EHMT1: variants seen among roughly 807,000 people sequenced by gnomAD.
EHMT1 encodes the protein histone-lysine N-methyltransferase EHMT1.
A neutral mutation model predicts 147.2 loss-of-function variants in EHMT1; 15 were observed. The observed-to-expected ratio is 0.10, with a 90% CI of 0.07 to 0.16. The LOEUF is 0.16. EHMT1 is among the 10% of genes least tolerant of loss of function. EHMT1 has a pLI of 1.00. For synonymous variants in EHMT1, 795 were observed against 709.6 expected (o/e 1.12, Z -1.91); for missense variants, 1,587 against 1,772.4 (o/e 0.90, Z 1.88).
chr9:137,724,769 C>T (rs1226028254), intron 3 of EHMT1, among the ~76,000 whole-genome samples: 2 of 152,322 alleles, frequency 1.3e-5, no homozygotes, highest in Admixed American at 1.3e-4. Flanking sequence ...GCAGTCAAAC[C>T]TGGTGTGCTG....
intron 1 of EHMT1, chr9:137,641,091 T>G: frequency 3.6e-6 from 1 of 274,532 alleles, no homozygotes; most frequent in Non-Finnish European, 7.2e-6. Flanking sequence ...TCATCCATAT[T>G]GGGAACCAAG....
At chr9:137,831,513 A>G (rs1418828480) in intron 25 of EHMT1, among the ~76,000 whole-genome samples, 1 of 152,258 alleles carries the variant, frequency 6.6e-6, no homozygotes, top group African/African-American at 2.4e-5. Context: ...TCATCCACCC[A>G]GTGATGGCTT....
At chr9:137,632,526 C>A (rs1843700025) in intron 1 of EHMT1, among the ~76,000 whole-genome samples, 1 of 152,182 alleles carries the variant, frequency 6.6e-6, no homozygotes. Flanking sequence ...GCCTCAGCCT[C>A]CCGAGTAGCT....
chr9:137,757,761 T>A lies in EHMT1; in HGVS notation c.1370-119T>A, dbSNP rs1248452270. On this transcript the variant is annotated intron_variant, in intron 8 of 26. Coordinates refer to ENST00000460843, the MANE Select transcript of EHMT1 (RefSeq NM_024757.5). ...CATAGTGGGTTTCAACTTGTGGTTT[T>A]GAATGGATTAATTAGAAGTAGTCCA... 6 of 1,466,086 alleles carry A rather than the reference T, an allele frequency of 4.1e-6. No homozygotes were observed. The Admixed American group carries it at 5.1e-5, about 13-fold the overall frequency. 90.8% of individuals were successfully genotyped at this position (1,466,086 alleles called of 1,614,324 possible).
At chr9:137,829,595 C>T (rs1407445784) in intron 25 of EHMT1, among the ~76,000 whole-genome samples, 1 of 152,208 alleles carries the variant, frequency 6.6e-6, no homozygotes, top group East Asian at 1.9e-4. Flanking sequence ...TTTCCTGGTT[C>T]GCCCCTCTGG....
At chr9:137,640,205 G>C (rs1254669790) in intron 1 of EHMT1, among the ~76,000 whole-genome samples, 1 of 152,200 alleles carries the variant, frequency 6.6e-6, no homozygotes. Context: ...AAAGTGCTGG[G>C]ATTACGGGTG....
intron 1 of EHMT1, among the ~76,000 whole-genome samples, chr9:137,630,131 T>C (rs1295649598): frequency 6.6e-6 from 1 of 152,238 alleles, no homozygotes; most frequent in Non-Finnish European, 1.5e-5. Flanking sequence ...GATTTCTTTC[T>C]GTATTCTAGT....
Position 137,732,475 on chromosome 9 carries a change from A to G in EHMT1, c.823+3946A>G, listed in dbSNP as rs184538894. On this transcript the variant is annotated intron_variant, in intron 4 of 26. Coordinates refer to ENST00000460843, the MANE Select transcript of EHMT1 (RefSeq NM_024757.5). This position sits in a 1 kb window ranked among gnomAD's most constrained non-coding sequence, Gnocchi z 4.6. ...ACAGCTCTCAGCGGAGAGGAGACCC[A>G]AAGTCAGTAGCTCCTACTGGCAGGG... 5.3e-5 allele frequency among the ~76,000 whole-genome samples: 8 copies of G among 152,304 alleles called. No individual in the cohort carries two copies. In the East Asian group the frequency reaches 1.3e-3, roughly 26 times the overall value.
chr9:137,798,955 T>G (rs886266041), intron 17 of EHMT1, 41 bp downstream of exon 17: 1 of 1,516,988 alleles, frequency 6.6e-7, no homozygotes, highest in Non-Finnish European at 9.2e-7. Context: ...CTGTGTGGAC[T>G]GGCTACGGAA....
At chr9:137,822,894 C>CG (rs1049895629) in intron 25 of EHMT1, among the ~76,000 whole-genome samples, 3 of 116,474 alleles carry the variant, frequency 2.6e-5, no homozygotes, top group Admixed American at 7.7e-5. Flanking sequence ...AACTTCATCT[C>CG]GAAAAAAAAA....
intron 22 of EHMT1, chr9:137,814,752 ATGGTGGCGGGGG>A (rs1425621820): frequency 1.7e-6 from 1 of 572,830 alleles, no homozygotes; most frequent in African/African-American, 1.9e-5. Context: ...GGCTGCCTGG[ATGGTGGCGGGGG>A]TGGGCAGCGT....
At chr9:137,817,577 GC>G (rs1564818845) in intron 24 of EHMT1, 52 bp downstream of exon 24, 1 of 1,606,370 alleles carries the variant, frequency 6.2e-7, no homozygotes, top group Non-Finnish European at 8.5e-7. Flanking sequence ...TGGGACGGAG[GC>G]CCATCTGTGT....
intron 8 of EHMT1, among the ~76,000 whole-genome samples, chr9:137,756,498 G>A (rs929124498): frequency 2.6e-5 from 4 of 152,204 alleles, no homozygotes; most frequent in African/African-American, 7.2e-5. Flanking sequence ...AGAGGGTTGC[G>A]GGAGACCTGG....
At position 137,788,069 on chromosome 9, in the gene EHMT1, C is replaced by T. The variant is rs564008299; in HGVS notation, c.2383-2779C>T. 28 of 1,368,840 alleles carry T rather than the reference C, an allele frequency of 2.0e-5. No homozygotes were observed. The African/African-American group carries it at 3.3e-4, about 16-fold the overall frequency. The allele number at this position is 1,368,840 out of a possible 1,614,324, so 84.8% of individuals were successfully genotyped here. On this transcript the variant is annotated intron_variant, in intron 15 of 26. Transcript: ENST00000460843. The stretch of plus-strand genomic sequence containing the variant: ...TGATGGCTCCCGCTGGCAAAGTCTC[C>T]CCCTCCACTCTCGTGGGGCCAGGAA...
At chr9:137,681,655 G>T (rs373866261) in intron 1 of EHMT1, among the ~76,000 whole-genome samples, 7 of 152,020 alleles carry the variant, frequency 4.6e-5, no homozygotes, top group Admixed American at 3.3e-4. Flanking sequence ...TCCCACGCCC[G>T]TCCACTTTCT....
intron 1 of EHMT1, among the ~76,000 whole-genome samples, chr9:137,696,303 G>C (rs926852808): frequency 1.3e-5 from 2 of 152,146 alleles, no homozygotes; most frequent in African/African-American, 4.8e-5. Context: ...CGAGTTTCCT[G>C]GACCGAAGTT....
At position 137,834,830 on chromosome 9, in the gene EHMT1, C is replaced by T. The variant is rs371136319; in HGVS notation, c.3774C>T (p.Cys1258=). 2.3e-4 allele frequency: 372 copies of T among 1,612,674 alleles called. 1 individual carries two copies. The East Asian group carries it at 2.9e-3, about 13-fold the overall frequency. ...DIKGKLFSCR[C]GSPKCRHSSA... ...AAGGCAAGCTCTTCAGCTGCCGCTG[C>T]GGCTCCCCCAAGTGCCGGCACTCGA... Residue 1258 remains cysteine (C), a synonymous_variant, in exon 27 of 27, where the codon TGC becomes TGT. Transcript: ENST00000460843.
intron 1 of EHMT1, among the ~76,000 whole-genome samples, chr9:137,637,941 C>T (rs752869931): frequency 1.3e-5 from 2 of 151,870 alleles, no homozygotes; most frequent in Non-Finnish European, 2.9e-5. Context: ...TCCAGGTTAT[C>T]TAGTTTCCGG....
intron 18 of EHMT1, 122 bp downstream of exon 18, chr9:137,801,106 T>TG: frequency 1.2e-6 from 1 of 839,214 alleles, no homozygotes; most frequent in South Asian, 1.4e-5. Flanking sequence ...CCTCTTCCTG[T>TG]GGCAGCATCG....
Sources: allele counts gnomAD v4.1 joint callset (sites outside exome capture counted in the v4.1 genomes callset), GRCh38; gene constraint gnomAD v4.1.1; non-coding constraint Gnocchi (gnomAD v3.1); transcripts MANE v1.5; gene names NCBI Gene and HGNC (gene_info 2026-07-23, HGNC 2026-07-21).